Variants in SLA observed in about 807,000 individuals in gnomAD.
SLA encodes Src like adaptor, also known as src-like-adapter.
A neutral mutation model predicts 30.3 loss-of-function variants in SLA; 16 were observed. The observed-to-expected ratio is 0.53, with a 90% CI of 0.36 to 0.80. The LOEUF is 0.80. Among genes scored for constraint, SLA ranks in the 30% least tolerant of loss-of-function variants. The probability of loss-of-function intolerance (pLI) is 0.01; values close to 1 mark genes in which losing one functional copy is unlikely to be tolerated. For missense variants in SLA, 310 were observed against 345.2 expected, an observed-to-expected ratio of 0.90 and a Z score of 0.81; for synonymous variants, 143 against 137.8, an observed-to-expected ratio of 1.04 and a Z score of -0.26.
Position 133,070,606 on chromosome 8 carries a change from A to G in SLA, c.-41+4247T>C, listed in dbSNP as rs141203098. Among the ~76,000 whole-genome samples the G allele has an allele frequency of 2.1e-3, 327 of 152,314 alleles. 1 individual carries two copies. Among genetic ancestry groups the G allele is most frequent in the African/African-American group, 7.4e-3 (309 of 41,564 alleles). On this transcript the variant is annotated intron_variant, in intron 2 of 8. Coordinates refer to ENST00000338087, the MANE Select transcript of SLA (RefSeq NM_001045556.3). Reference sequence around the variant, plus strand: ...TCAGAGAGGTAAGTAATTTGCTCAGAGTTACAAGGCTTGTTCAGGGCTGGG... The same window carrying G: ...TCAGAGAGGTAAGTAATTTGCTCAGGGTTACAAGGCTTGTTCAGGGCTGGG...
chr8:133,046,346 A>G (rs1839390379), intron 6 of SLA: 1 of 152,270 alleles, frequency 6.6e-6, no homozygotes, highest in South Asian at 2.1e-4. Flanking sequence ...AGAGGCCTAG[A>G]GCCCCTATGG....
In SLA at chr8:133,060,211, G is replaced by A. The variant is rs1357183661; in HGVS notation, c.-40-11C>T. On this transcript the variant is annotated splice_polypyrimidine_tract_variant and intron_variant, in intron 2 of 8. Coordinates refer to ENST00000338087, the MANE Select transcript of SLA (RefSeq NM_001045556.3). The stretch of plus-strand genomic sequence containing the variant: ...GGTGATGCCCAGAGCCTGTGGTATA[G>A]GAGACAGACGGGGAAAGTCAACCGT... 6.2e-7 allele frequency: 1 copy of A among 1,613,410 alleles called. No homozygotes were observed.
At chr8:133,041,784 GTTT>G (rs529937626) in intron 7 of SLA, among the ~76,000 whole-genome samples, 186 of 124,384 alleles carry the variant, frequency 1.5e-3, no homozygotes, top group African/African-American at 2.8e-3. Flanking sequence ...CTTGTGGTCA[GTTT>G]TTTTTTTTTT....
chr8:133,085,550 G>A (rs1846391634), intron 1 of SLA, among the ~76,000 whole-genome samples: 1 of 152,116 alleles, frequency 6.6e-6, no homozygotes, highest in African/African-American at 2.4e-5. Context: ...CAAGGGATCT[G>A]AATAGACATT....
chr8:133,086,972 T>A (rs771749581), intron 1 of SLA, among the ~76,000 whole-genome samples: 4 of 151,854 alleles, frequency 2.6e-5, no homozygotes, highest in African/African-American at 4.8e-5. Context: ...ATCTTGTAAA[T>A]AAATAAGTAA....
intron 1 of SLA, among the ~76,000 whole-genome samples, chr8:133,075,411 A>G (rs1844713322): frequency 6.6e-6 from 1 of 152,218 alleles, no homozygotes; most frequent in Non-Finnish European, 1.5e-5. Flanking sequence ...ATTAAAGGAG[A>G]CTAAAGAGAC....
chr8:133,050,847 G>T lies in SLA; in HGVS notation c.130C>A (p.Arg44Ser), dbSNP rs772751614. 1 of 1,612,900 alleles carries T rather than the reference G, an allele frequency of 6.2e-7. No homozygotes were observed. The highest frequency in any genetic ancestry group is 8.5e-7 in the Non-Finnish European group (1 of 1,178,870). Reference protein sequence around the residue: ...PSPDISPPIFRRGEKLRVISD... With the variant: ...PSPDISPPIFSRGEKLRVISD... ...ATCACACGCAGTTTCTCCCCTCGGC[G>T]GAATATCGGGGGGCTGATGTCAGGA... is the stretch of plus-strand genomic sequence containing the variant. Residue 44 changes from arginine (R) to serine (S), a missense_variant, in exon 4 of 9, where the codon CGC becomes AGC. Physicochemically the swap from Arg to Ser is moderately radical, Grantham distance 110. Coordinates refer to ENST00000338087, the MANE Select transcript of SLA (RefSeq NM_001045556.3).
intron 2 of SLA, among the ~76,000 whole-genome samples, chr8:133,069,420 C>A (rs902654626): frequency 1.3e-5 from 2 of 152,200 alleles, no homozygotes; most frequent in Admixed American, 6.5e-5. Flanking sequence ...CTACAGCTCC[C>A]AGGCATTTGG....
At chr8:133,049,794 G>T in intron 5 of SLA, 108 bp downstream of exon 5, 1 of 808,726 alleles carries the variant, frequency 1.2e-6, no homozygotes, top group South Asian at 1.4e-5. Flanking sequence ...ATCTCTTCTT[G>T]ACCCAGTGCC....
chr8:133,049,293 C>A lies in SLA; in HGVS notation c.248+609G>T, dbSNP rs1161970300. Reference sequence around the variant, plus strand: ...AAGGAAGGCACATAAGCATTTTTGGCAGTAAGGATTCTGTGTGTTTCTGGA... The same window carrying A: ...AAGGAAGGCACATAAGCATTTTTGGAAGTAAGGATTCTGTGTGTTTCTGGA... On this transcript the variant is annotated intron_variant, in intron 5 of 8. Transcript: ENST00000338087. 6.1e-5 allele frequency: 24 copies of A among 394,752 alleles called. 1 individual carries two copies. The highest frequency in any genetic ancestry group is 8.7e-5 in the Non-Finnish European group (17 of 195,334). 24.5% of individuals were successfully genotyped at this position (394,752 alleles called of 1,614,324 possible).
At chr8:133,049,446 T>C in intron 5 of SLA, 1 of 277,356 alleles carries the variant, frequency 3.6e-6, no homozygotes, top group South Asian at 3.7e-5. Context: ...GATCATATTA[T>C]CATATATTAT....
intron 2 of SLA, among the ~76,000 whole-genome samples, chr8:133,070,353 A>C (rs539349861): frequency 1.4e-5 from 2 of 144,774 alleles, no homozygotes; most frequent in Admixed American, 1.4e-4. Context: ...TTTTTGGAAC[A>C]GTTGCCCACA....
intron 2 of SLA, among the ~76,000 whole-genome samples, chr8:133,070,375 T>C (rs1175179484): frequency 2.6e-5 from 4 of 152,236 alleles, no homozygotes; most frequent in Admixed American, 6.5e-5. Context: ...GCCTCTCTAT[T>C]TGTTTTCAAA....
At chr8:133,054,979 G>T (rs1024002956) in intron 3 of SLA, among the ~76,000 whole-genome samples, 1 of 152,122 alleles carries the variant, frequency 6.6e-6, no homozygotes, top group Non-Finnish European at 1.5e-5. Context: ...CCAGTGCCCT[G>T]CCCAGCCCTA....
At position 133,037,717 on chromosome 8, in the gene SLA, A is replaced by C. The variant is rs1207773739; in HGVS notation, c.*807T>G. ...TATTCGGGCAATAAATGAATACTTG[A>C]TGCATTCATACAGGCAAGAATCCCA... On this transcript the variant is annotated 3_prime_UTR_variant, in exon 9 of 9. Transcript: ENST00000338087. 1 of 151,578 alleles carries C rather than the reference A, an allele frequency of 6.6e-6. No homozygotes were observed. The highest frequency in any genetic ancestry group is 2.4e-5 in the African/African-American group (1 of 41,176). The allele number at this position is 151,578 out of a possible 1,614,324, so 9.4% of individuals were successfully genotyped here.
At chr8:133,090,796 G>A (rs1847382954) in intron 1 of SLA, among the ~76,000 whole-genome samples, 1 of 152,148 alleles carries the variant, frequency 6.6e-6, no homozygotes, top group South Asian at 2.1e-4. Context: ...AATGGCCATG[G>A]GCAGAGCTGG....
chr8:133,040,195 G>A (rs1698041404), intron 7 of SLA, 65 bp from the exon 8 acceptor site: 2 of 1,526,218 alleles, frequency 1.3e-6, no homozygotes, highest in Non-Finnish European at 1.8e-6. Flanking sequence ...TGGGGTTCAG[G>A]CCTGAGACAC....
At chr8:133,083,931 C>T (rs1052628068) in intron 1 of SLA, among the ~76,000 whole-genome samples, 2 of 152,198 alleles carry the variant, frequency 1.3e-5, no homozygotes, top group African/African-American at 4.8e-5. Flanking sequence ...CATGGAGCCA[C>T]CTCAGTCACT....
At chr8:133,040,405 A>C in intron 7 of SLA, 1 of 398,740 alleles carries the variant, frequency 2.5e-6, no homozygotes, top group Non-Finnish European at 4.6e-6. Context: ...TTGGGTTTGA[A>C]TTTTAGCTTT....
Sources: allele counts gnomAD v4.1 joint callset (sites outside exome capture counted in the v4.1 genomes callset), GRCh38; gene constraint gnomAD v4.1.1; transcripts MANE v1.5; gene names NCBI Gene and HGNC (gene_info 2026-07-23, HGNC 2026-07-21).